TET3: variants seen among roughly 807,000 people sequenced by gnomAD.
The protein encoded by TET3 is methylcytosine dioxygenase TET3.
TET3 carries 19 observed loss-of-function variants against 141.4 expected under a neutral mutation model. The ratio of observed to expected loss-of-function variants is 0.13; its 90% CI spans 0.09 to 0.20. The LOEUF (loss-of-function observed/expected upper bound fraction) is 0.20, where lower values mean the gene tolerates loss of function less well. Among genes scored for constraint, TET3 ranks in the 10% least tolerant of loss-of-function variants. The pLI, the probability that TET3 is intolerant of heterozygous loss-of-function variation, is 1.00. For synonymous variants in TET3, 1,043 were observed against 980.9 expected, an observed-to-expected ratio of 1.06 and a Z score of -1.18; for missense variants, 1,874 against 2,356.9, an observed-to-expected ratio of 0.80 and a Z score of 4.24.
chr2:74,073,792 C>T, intron 5 of TET3, 153 bp downstream of exon 5: 1 of 561,678 alleles, frequency 1.8e-6, no homozygotes, highest in Non-Finnish European at 3.0e-6. Flanking sequence ...GTGGGATCCT[C>T]ACTTCCATTG....
the TET3 span, among the ~76,000 whole-genome samples, chr2:74,128,120 T>TAAACC: frequency 6.6e-6 from 1 of 152,232 alleles, no homozygotes; most frequent in Non-Finnish European, 1.5e-5. Flanking sequence ...TCAAACAGTG[T>TAAACC]TCTCCTTAAA....
At chr2:74,011,862 A>G (rs1019651271) in intron 3 of TET3, among the ~76,000 whole-genome samples, 1 of 150,414 alleles carries the variant, frequency 6.6e-6, no homozygotes, top group Admixed American at 6.6e-5. Context: ...ACATAGCGAG[A>G]CCCTCATCTC....
At chr2:74,026,541 A>G (rs974915933) in intron 3 of TET3, among the ~76,000 whole-genome samples, 4 of 152,214 alleles carry the variant, frequency 2.6e-5, no homozygotes, top group Admixed American at 6.5e-5. Context: ...TGCTTAACAG[A>G]TAATTGACTG....
chr2:74,046,234 TGTG>T lies in TET3; in HGVS notation c.361-41_361-39del. 6.8e-7 allele frequency: 1 copy of T among 1,463,958 alleles called. No individual in the cohort carries two copies. The highest frequency in any genetic ancestry group is 9.0e-7 in the Non-Finnish European group (1 of 1,106,950). 90.7% of individuals were successfully genotyped at this position (1,463,958 alleles called of 1,614,324 possible). ...AAGCAGGGAAATGCTTTTCAAATAG[TGTG>T]GTTCATTTTTTTCCTTTTTCCCCCT... is the stretch of plus-strand genomic sequence containing the variant. On this transcript the variant is annotated intron_variant, in intron 3 of 11. Transcript: ENST00000409262. This position sits in a 1 kb window ranked among gnomAD's most constrained non-coding sequence, Gnocchi z 4.3.
intron 6 of TET3, among the ~76,000 whole-genome samples, chr2:74,082,630 C>T (rs1353333561): frequency 1.3e-5 from 2 of 152,218 alleles, no homozygotes; most frequent in African/African-American, 2.4e-5. Context: ...GGCAAGAAAA[C>T]GGCAGTGCTG....
rs7585240 is a variant in TET3, at chr2:74,093,948, G to A, written c.3267+282G>A. 4.6e-5 allele frequency among the ~76,000 whole-genome samples: 7 copies of A among 152,090 alleles called. No homozygotes were observed. Among genetic ancestry groups the A allele is most frequent in the East Asian group, 1.9e-4 (1 of 5,200 alleles). The stretch of plus-strand genomic sequence containing the variant: ...CCTGGAGTGCCCAGTTATCTAAAGC[G>A]TGGGCCCCGGTCTCTGTGGACACTT... On this transcript the variant is annotated intron_variant, in intron 10 of 11. Coordinates refer to ENST00000409262, the MANE Select transcript of TET3 (RefSeq NM_001287491.2). This position sits in a 1 kb window ranked among gnomAD's most constrained non-coding sequence, Gnocchi z 4.2.
At chr2:74,069,268 C>G (rs1278611298) in intron 4 of TET3, among the ~76,000 whole-genome samples, 1 of 150,816 alleles carries the variant, frequency 6.6e-6, no homozygotes, top group Non-Finnish European at 1.5e-5. Context: ...TTTATCTTTC[C>G]CTATTGATAG....
At chr2:73,987,543 C>T (rs1684098875) in intron 2 of TET3, among the ~76,000 whole-genome samples, 1 of 152,204 alleles carries the variant, frequency 6.6e-6, no homozygotes, top group South Asian at 2.1e-4. Flanking sequence ...GCCGCGACAG[C>T]AGAGAGTTGG....
downstream of TET3, among the ~76,000 whole-genome samples, chr2:74,109,294 A>C (rs1285680917): frequency 6.6e-6 from 1 of 152,156 alleles, no homozygotes; most frequent in Non-Finnish European, 1.5e-5. Context: ...GAAGTTCTTA[A>C]AAGTTATCTG....
At chr2:74,127,011 T>G in the TET3 span, among the ~76,000 whole-genome samples, 5 of 152,178 alleles carry the variant, frequency 3.3e-5, no homozygotes, top group Non-Finnish European at 7.4e-5. Flanking sequence ...TGTTTAATGG[T>G]GCCCAGTGAA....
chr2:74,125,262 G>A, the TET3 span, among the ~76,000 whole-genome samples: 13 of 152,144 alleles, frequency 8.5e-5, no homozygotes, highest in African/African-American at 1.9e-4. Flanking sequence ...GATTACAGGC[G>A]TGAGCCACTG....
At chr2:74,097,226 CACACAT>C (rs901145719) in intron 10 of TET3, among the ~76,000 whole-genome samples, 13 of 151,460 alleles carry the variant, frequency 8.6e-5, no homozygotes, top group African/African-American at 2.9e-4. Flanking sequence ...CACACACACA[CACACAT>C]ACATTCAAAT....
In TET3 at chr2:74,080,706, T is replaced by TG. The variant is rs1558775928; in HGVS notation, c.2679+119dup. ...TAGCTGAGCAGGCGAGGGCGGGGGG[T>TG]GGGGCCAGGTGGGTGTGTAGGAGAC... On this transcript the variant is annotated intron_variant, in intron 6 of 11. Transcript: ENST00000409262. 380 of 173,850 alleles carry TG rather than the reference T, an allele frequency of 2.2e-3. 25 individuals carry two copies. Among genetic ancestry groups the TG allele is most frequent in the South Asian group, 5.6e-3 (86 of 15,246 alleles). The allele number at this position is 173,850 out of a possible 1,614,324, so 10.8% of individuals were successfully genotyped here. A position where few individuals can be genotyped will look rare whatever the true frequency, so the allele number is the denominator to read the frequency against.
In TET3 at chr2:74,048,094, G is replaced by C; in HGVS notation, c.2177G>C (p.Gly726Ala). ...TTTGGAGATAGCTTTGGGCTTCCCG[G>C]CCCCCCTTCTGTGCCCATTCAGGAC... Reference protein sequence around the residue: ...AEFGDSFGLPGPPSVPIQDPE... With the variant: ...AEFGDSFGLPAPPSVPIQDPE... Residue 726 changes from glycine (G) to alanine (A), a missense_variant, in exon 4 of 12, where the codon GGC becomes GCC. Transcript: ENST00000409262. 1 of 1,613,376 alleles carries C rather than the reference G, an allele frequency of 6.2e-7. No homozygotes were observed. Among genetic ancestry groups the C allele is most frequent in the Non-Finnish European group, 8.5e-7 (1 of 1,179,652 alleles).
chr2:74,084,905 A>T (rs1690037167), intron 6 of TET3, among the ~76,000 whole-genome samples: 1 of 152,148 alleles, frequency 6.6e-6, no homozygotes, highest in Non-Finnish European at 1.5e-5. Flanking sequence ...ACTGCACTCC[A>T]GCCTGTGCAA....
chr2:74,047,197 C>G lies in TET3; in HGVS notation c.1280C>G (p.Ala427Gly). 6.2e-7 allele frequency: 1 copy of G among 1,614,032 alleles called. No homozygotes were observed. The highest frequency in any genetic ancestry group is 8.5e-7 in the Non-Finnish European group (1 of 1,179,894). ...CCTGATAGCTCTGCCTTCCCTCCAG[C>G]AACTCCTAGAACTGAGTTCCCTGAA... ...FAPDSSAFPP[A>G]TPRTEFPEAW... is the part of the protein sequence containing the mutation. Residue 427 changes from alanine (A) to glycine (G), a missense_variant, in exon 4 of 12, where the codon GCA becomes GGA. Around this residue, in one of 10 missense-constraint regions of TET3, gnomAD observed 484 missense variants for 462.2 expected, o/e 1.05. Coordinates refer to ENST00000409262, the MANE Select transcript of TET3 (RefSeq NM_001287491.2).
chr2:74,105,503 G>T lies in TET3; in HGVS notation c.*3327G>T, dbSNP rs777065540. On this transcript the variant is annotated 3_prime_UTR_variant, in exon 12 of 12. Transcript: ENST00000409262. ...GTTGCATGGATTTGGGGGTCTTTCG[G>T]TTTTTGGTTTTGGGTCTGGCTTTTA... is the stretch of plus-strand genomic sequence containing the variant. The T allele has an allele frequency of 1.8e-5, 7 of 397,998 alleles. No individual in the cohort carries two copies. Among genetic ancestry groups the T allele is most frequent in the East Asian group, 3.6e-5 (1 of 28,088 alleles). 24.7% of individuals were successfully genotyped at this position (397,998 alleles called of 1,614,324 possible).
intron 2 of TET3, among the ~76,000 whole-genome samples, chr2:73,992,959 A>G (rs1380266204): frequency 6.6e-6 from 1 of 152,186 alleles, no homozygotes; most frequent in African/African-American, 2.4e-5. Context: ...GCCAGCTTGG[A>G]CAGATGAGAA....
At chr2:74,052,675 C>T (rs1688009650) in intron 4 of TET3, among the ~76,000 whole-genome samples, 1 of 151,736 alleles carries the variant, frequency 6.6e-6, no homozygotes, top group African/African-American at 2.4e-5. Context: ...TTCGAGACCA[C>T]CCTGGCCAGT....
Sources: allele counts gnomAD v4.1 joint callset (sites outside exome capture counted in the v4.1 genomes callset), GRCh38; gene constraint gnomAD v4.1.1; regional missense constraint gnomAD v4.1.1; non-coding constraint Gnocchi (gnomAD v3.1); transcripts MANE v1.5; gene names NCBI Gene and HGNC (gene_info 2026-07-23, HGNC 2026-07-21).